PLS1: variants seen among roughly 807,000 people sequenced by gnomAD.
PLS1 encodes the protein plastin-1.
A neutral mutation model predicts 73.7 loss-of-function variants in PLS1; 32 were observed. The observed-to-expected ratio is 0.43, with a 90% confidence interval of 0.33 to 0.58. The LOEUF (loss-of-function observed/expected upper bound fraction) is 0.58, where lower values mean the gene tolerates loss of function less well. PLS1 is among the 20% of genes least tolerant of loss of function. The pLI is 0.04. For missense variants in PLS1, 633 were observed against 740.5 expected (o/e 0.85, Z 1.68); for synonymous variants, 217 against 261.3 (o/e 0.83, Z 1.63).
Position 142,669,508 on chromosome 3 carries a change from T to C in PLS1, c.189T>C (p.Ala63=). ...REIVEKILSV[A]DSNKDGKISF... ...TTGTGGAGAAAATTCTATCAGTTGC[T>C]GACAGCAACAAAGATGGCAAAATCA... Residue 63 remains alanine, a synonymous_variant, in exon 3 of 16, where the codon GCT becomes GCC. Coordinates refer to ENST00000457734, the MANE Select transcript of PLS1 (RefSeq NM_001145319.2). 1 of 1,613,730 alleles carries C rather than the reference T, an allele frequency of 6.2e-7. No homozygotes were observed. Among genetic ancestry groups the C allele is most frequent in the South Asian group, 1.1e-5 (1 of 91,016 alleles).
chr3:142,671,484 T>G (rs2037603124), intron 4 of PLS1, among the ~76,000 whole-genome samples: 1 of 152,160 alleles, frequency 6.6e-6, no homozygotes, highest in Admixed American at 6.5e-5. Flanking sequence ...TGAGGTGGCT[T>G]TACTTTTAGA....
chr3:142,686,888 C>T lies in PLS1; in HGVS notation c.981+512C>T, dbSNP rs1484363904. On this transcript the variant is annotated intron_variant, in intron 9 of 15. Coordinates refer to ENST00000457734, the MANE Select transcript of PLS1 (RefSeq NM_001145319.2). ...CCTGGTGCAAGGCAATTGGAACTCA[C>T]CAGGGTGCTCTTTTGACTGTCAGCA... is the stretch of plus-strand genomic sequence containing the variant. Among the ~76,000 whole-genome samples, 3 of 152,188 alleles carry T rather than the reference C, an allele frequency of 2.0e-5. No homozygotes were observed. In the East Asian group the frequency reaches 5.8e-4, roughly 29 times the overall value.
chr3:142,665,038 A>G (rs558963793), intron 2 of PLS1, among the ~76,000 whole-genome samples: 5 of 151,738 alleles, frequency 3.3e-5, no homozygotes, highest in Non-Finnish European at 5.9e-5. Context: ...AAAGGTGAGC[A>G]CAGTGAATAG....
intron 1 of PLS1, among the ~76,000 whole-genome samples, chr3:142,638,289 C>T (rs533178904): frequency 3.9e-4 from 59 of 152,248 alleles, no homozygotes; most frequent in African/African-American, 1.0e-3. Flanking sequence ...CCCCAGATTG[C>T]ACAGCTGGTA....
intron 1 of PLS1, among the ~76,000 whole-genome samples, chr3:142,658,923 A>C (rs2037302621): frequency 6.6e-6 from 1 of 152,216 alleles, no homozygotes; most frequent in Non-Finnish European, 1.5e-5. Flanking sequence ...AACTACATGT[A>C]GAACTTAAGA....
chr3:142,678,063 A>C lies in PLS1; in HGVS notation c.529A>C (p.Ile177Leu). The change falls in exon 6 of 16, where the codon ATT (isoleucine) becomes CTT (leucine). Residue 177 changes from isoleucine to leucine, a missense_variant. Coordinates refer to ENST00000457734, the MANE Select transcript of PLS1 (RefSeq NM_001145319.2). ...GATCAACTTATCTGAACCAGATACA[A>C]TTGATGAAAGAGCCATCAATAAGAA... ...KMINLSEPDT[I>L]DERAINKKKL... 1 of 1,551,946 alleles carries C rather than the reference A, an allele frequency of 6.4e-7. No homozygotes were observed. The highest frequency in any genetic ancestry group is 2.4e-5 in the East Asian group (1 of 41,464).
chr3:142,654,861 A>G (rs2037186687), intron 1 of PLS1: 1 of 152,184 alleles, frequency 6.6e-6, no homozygotes, highest in African/African-American at 2.4e-5. Flanking sequence ...GAAACTCTTC[A>G]TCTCCTCTTG....
intron 1 of PLS1, among the ~76,000 whole-genome samples, chr3:142,616,277 C>T (rs2036215172): frequency 6.6e-6 from 1 of 152,180 alleles, no homozygotes; most frequent in South Asian, 2.1e-4. Context: ...TCTTCAGATG[C>T]TCCTTTTCTC....
chr3:142,673,757 C>CA, intron 4 of PLS1: 1 of 151,990 alleles, frequency 6.6e-6, no homozygotes, highest in South Asian at 2.1e-4. Flanking sequence ...ACAACCATCC[C>CA]AATAGAAGAG....
At chr3:142,630,958 C>CACACACACACACACACACACACAT (rs1376187618) in intron 1 of PLS1, among the ~76,000 whole-genome samples, 4 of 151,886 alleles carry the variant, frequency 2.6e-5, no homozygotes, top group Admixed American at 1.3e-4. Context: ...CACACACACA[C>CACACACACACACACACACACACAT]ACACACACAC....
chr3:142,682,646 A>C (rs76394104), intron 6 of PLS1, among the ~76,000 whole-genome samples: 6,704 of 152,292 alleles, frequency 0.044, 492 homozygotes, highest in African/African-American at 0.15. Context: ...ATTCTGGGGA[A>C]TCACAACTGG....
intron 1 of PLS1, among the ~76,000 whole-genome samples, chr3:142,617,118 A>G (rs1179999486): frequency 2.6e-5 from 4 of 151,776 alleles, no homozygotes; most frequent in Non-Finnish European, 5.9e-5. Flanking sequence ...AAAAAGGGAT[A>G]CATTTCTAAA....
At chr3:142,629,641 A>G (rs1485231500) in intron 1 of PLS1, among the ~76,000 whole-genome samples, 1 of 152,224 alleles carries the variant, frequency 6.6e-6, no homozygotes. Flanking sequence ...TAGCACTCAC[A>G]CAGACCAGGA....
chr3:142,607,525 C>T (rs1248683463), intron 1 of PLS1, among the ~76,000 whole-genome samples: 5 of 152,234 alleles, frequency 3.3e-5, no homozygotes, highest in East Asian at 1.9e-4. Flanking sequence ...CCACCCGCCT[C>T]GGCCTCCCAG....
chr3:142,661,046 A>G (rs1257140624), intron 1 of PLS1, among the ~76,000 whole-genome samples: 8 of 152,208 alleles, frequency 5.3e-5, no homozygotes, highest in Non-Finnish European at 1.2e-4. Context: ...AGGGATAGAA[A>G]GCATTTTGAA....
Position 142,693,589 on chromosome 3 carries a change from C to T in PLS1, c.1178-880C>T, listed in dbSNP as rs75850757. ...ATAACTTTGCCGAAGAACAAATAAT[C>T]ATGATAGTTACTTAGAACTATTTGC... On this transcript the variant is annotated intron_variant, in intron 10 of 15. Coordinates refer to ENST00000457734, the MANE Select transcript of PLS1 (RefSeq NM_001145319.2). 4.9e-3 allele frequency among the ~76,000 whole-genome samples: 753 copies of T among 152,240 alleles called. 5 individuals are homozygous for T. Among genetic ancestry groups the T allele is most frequent in the South Asian group, 0.013 (64 of 4,820 alleles).
In PLS1 at chr3:142,600,899, TATATATATATATA is replaced by T. The variant is rs1560024405; in HGVS notation, c.-37+4391_-37+4403del. On this transcript the variant is annotated intron_variant, in intron 1 of 15. Transcript: ENST00000457734. ...TTTCATATATATATATATATATATA[TATATATATATATA>T]TATATTTTTTTTTTTTTTTTTTTTT... 1.2e-3 allele frequency among the ~76,000 whole-genome samples: 38 copies of T among 31,036 alleles called. 1 individual carries two copies. The highest frequency in any genetic ancestry group is 5.4e-3 in the African/African-American group (29 of 5,346). The allele number at this position is 31,036 out of a possible 152,430, so 20.4% of individuals were successfully genotyped here. A position where few individuals can be genotyped will look rare whatever the true frequency, so the allele number is the denominator to read the frequency against.
chr3:142,655,178 GA>G (rs1243984189), intron 1 of PLS1, among the ~76,000 whole-genome samples: 2 of 152,004 alleles, frequency 1.3e-5, no homozygotes, highest in African/African-American at 4.8e-5. Context: ...AAGAAATGAA[GA>G]CACTGAGCAA....
chr3:142,631,544 C>T (rs1247451057), intron 1 of PLS1, among the ~76,000 whole-genome samples: 1 of 150,714 alleles, frequency 6.6e-6, no homozygotes, highest in East Asian at 2.0e-4. Context: ...GCCTGTGGTC[C>T]CAGCTACTCG....
Sources: allele counts gnomAD v4.1 joint callset (sites outside exome capture counted in the v4.1 genomes callset), GRCh38; gene constraint gnomAD v4.1.1; transcripts MANE v1.5; gene names NCBI Gene and HGNC (gene_info 2026-07-23, HGNC 2026-07-21).